Variants in ARNT2 observed in about 807,000 individuals in gnomAD.
ARNT2 encodes the protein ARNT protein 2.
Under a neutral mutation model 91.7 loss-of-function variants are expected in ARNT2, and 36 were observed. The ratio of observed to expected loss-of-function variants is 0.39; its 90% confidence interval spans 0.30 to 0.52. ARNT2 has a LOEUF of 0.52. ARNT2 is among the 20% of genes least tolerant of loss of function. The probability of loss-of-function intolerance (pLI) is 0.72; values close to 1 mark genes in which losing one functional copy is unlikely to be tolerated. For missense variants in ARNT2, 775 were observed against 939.3 expected (o/e 0.83, Z 2.29); for synonymous variants, 365 against 347.1 (o/e 1.05, Z -0.57).
rs554688421 is a variant in ARNT2, at chr15:80,405,535, C to G, written c.31+989C>G. Among the ~76,000 whole-genome samples the G allele has an allele frequency of 2.6e-5, 4 of 152,240 alleles. No individual in the cohort carries two copies. In the East Asian group the frequency reaches 7.7e-4, roughly 29 times the overall value. The stretch of plus-strand genomic sequence containing the variant: ...CAATGCCTAGCAAAGAAAAGTGTCT[C>G]TCATCATAGAATTAGGAATGAAAGA... On this transcript the variant is annotated intron_variant, in intron 1 of 18. Coordinates refer to ENST00000303329, the MANE Select transcript of ARNT2 (RefSeq NM_014862.4).
At chr15:80,535,609 C>G (rs1214968593) in intron 8 of ARNT2, among the ~76,000 whole-genome samples, 3 of 152,186 alleles carry the variant, frequency 2.0e-5, no homozygotes, top group Admixed American at 2.0e-4. Context: ...TGATTTTCTC[C>G]TATGAGGTCT....
At chr15:80,473,493 C>T (rs1301294336) in intron 4 of ARNT2, among the ~76,000 whole-genome samples, 1 of 152,162 alleles carries the variant, frequency 6.6e-6, no homozygotes, top group Non-Finnish European at 1.5e-5. Context: ...CACCCTCTTC[C>T]GTTTTTAATT....
At chr15:80,523,929 G>A (rs1474036200) in intron 8 of ARNT2, among the ~76,000 whole-genome samples, 1 of 152,210 alleles carries the variant, frequency 6.6e-6, no homozygotes, top group East Asian at 1.9e-4. Flanking sequence ...GAAGGAGCCA[G>A]GGGTGTTTAT....
intron 6 of ARNT2, among the ~76,000 whole-genome samples, chr15:80,509,458 A>AAAT (rs142269366): frequency 0.012 from 1,820 of 151,496 alleles, 28 homozygotes; most frequent in East Asian, 0.058. Context: ...AAAGAGACTA[A>AAAT]AATAATAATA....
intron 5 of ARNT2, among the ~76,000 whole-genome samples, chr15:80,491,770 C>T (rs1164229486): frequency 1.4e-5 from 2 of 141,470 alleles, no homozygotes; most frequent in Non-Finnish European, 3.0e-5. Context: ...TTCACAAATA[C>T]ATCTCATTTA....
Position 80,574,073 on chromosome 15 carries a change from G to A in ARNT2, c.1317-75G>A, listed in dbSNP as rs187870570. The stretch of plus-strand genomic sequence containing the variant: ...ATCACCCACTCTGCCTCTGAGGTAT[G>A]GGAAAAGTCCTGGCTTAGCCCTATT... On this transcript the variant is annotated intron_variant, in intron 12 of 18. Coordinates refer to ENST00000303329, the MANE Select transcript of ARNT2 (RefSeq NM_014862.4). 1.3e-5 allele frequency: 16 copies of A among 1,277,326 alleles called. No homozygotes were observed. The East Asian group carries it at 3.5e-4, about 28-fold the overall frequency. The allele number at this position is 1,277,326 out of a possible 1,614,324, so 79.1% of individuals were successfully genotyped here.
chr15:80,518,027 G>GT (rs938864885), intron 8 of ARNT2, among the ~76,000 whole-genome samples: 4 of 151,766 alleles, frequency 2.6e-5, no homozygotes, highest in Non-Finnish European at 4.4e-5. Flanking sequence ...TTCAAACTAT[G>GT]TTTTTTTTCT....
chr15:80,413,577 C>A (rs928206267), intron 1 of ARNT2, among the ~76,000 whole-genome samples: 3 of 152,220 alleles, frequency 2.0e-5, no homozygotes, highest in Non-Finnish European at 2.9e-5. Context: ...CCCTACTTTT[C>A]TTCCAACAAC....
At chr15:80,435,809 A>G (rs1896077000) in intron 1 of ARNT2, among the ~76,000 whole-genome samples, 2 of 152,152 alleles carry the variant, frequency 1.3e-5, no homozygotes, top group South Asian at 2.1e-4. Flanking sequence ...AAATTTATCC[A>G]TTCATTGATT....
chr15:80,474,271 A>G (rs1311829575), intron 4 of ARNT2, among the ~76,000 whole-genome samples: 1 of 152,140 alleles, frequency 6.6e-6, no homozygotes, highest in African/African-American at 2.4e-5. Context: ...CTTCAATGAC[A>G]GTCATGACCC....
intron 8 of ARNT2, among the ~76,000 whole-genome samples, chr15:80,519,198 A>G (rs1294542265): frequency 1.3e-5 from 2 of 152,228 alleles, no homozygotes; most frequent in Non-Finnish European, 2.9e-5. Flanking sequence ...CAATCATTTT[A>G]GGAGATTTAT....
intron 4 of ARNT2, among the ~76,000 whole-genome samples, chr15:80,474,508 C>A (rs1379027293): frequency 1.3e-5 from 2 of 152,334 alleles, no homozygotes; most frequent in African/African-American, 4.8e-5. Flanking sequence ...AGAAAAGGAA[C>A]AAGAGGGTAC....
At chr15:80,406,797 G>A (rs533752212) in intron 1 of ARNT2, among the ~76,000 whole-genome samples, 6 of 152,288 alleles carry the variant, frequency 3.9e-5, no homozygotes, top group African/African-American at 1.4e-4. Context: ...AATTTCTCAA[G>A]GGAAAATTCC....
intron 1 of ARNT2, among the ~76,000 whole-genome samples, chr15:80,437,683 A>G (rs915055406): frequency 5.3e-5 from 8 of 152,134 alleles, no homozygotes; most frequent in African/African-American, 1.9e-4. Context: ...CCATTTCACA[A>G]CTGCCGGCTT....
intron 8 of ARNT2, among the ~76,000 whole-genome samples, chr15:80,535,932 C>A (rs1386029824): frequency 2.0e-5 from 3 of 152,000 alleles, no homozygotes; most frequent in Admixed American, 1.3e-4. Flanking sequence ...ATTTTTATGT[C>A]TTTTTATGTA....
At chr15:80,439,793 G>A (rs1037474620) in intron 1 of ARNT2, among the ~76,000 whole-genome samples, 1 of 152,156 alleles carries the variant, frequency 6.6e-6, no homozygotes, top group Non-Finnish European at 1.5e-5. Context: ...CTTTTATACA[G>A]GAAGGTCCCT....
In ARNT2 at chr15:80,584,193, A is replaced by G. The variant is rs1362733907; in HGVS notation, c.1918+2789A>G. ...CGAGGGGTTGCTGTCATCGTCTGTG[A>G]TGAGTACACTGCTGGAGGAAGGCTC... On this transcript the variant is annotated intron_variant, in intron 17 of 18. Transcript: ENST00000303329. Among the ~76,000 whole-genome samples the G allele has an allele frequency of 2.6e-5, 4 of 152,116 alleles. No individual in the cohort carries two copies. In the East Asian group the frequency reaches 7.7e-4, roughly 29 times the overall value.
chr15:80,581,207 C>T, intron 16 of ARNT2, 32 bp from the exon 17 acceptor site: 1 of 1,610,506 alleles, frequency 6.2e-7, no homozygotes, highest in Non-Finnish European at 8.5e-7. Context: ...GCTGGTGATG[C>T]TTTCCATCTC....
At position 80,510,558 on chromosome 15, in the gene ARNT2, A is replaced by T. The variant is rs991600735; in HGVS notation, c.725+2300A>T. Among the ~76,000 whole-genome samples, 3 of 152,164 alleles carry T rather than the reference A, an allele frequency of 2.0e-5. No homozygotes were observed. In the South Asian group the frequency reaches 6.2e-4, roughly 32 times the overall value. On this transcript the variant is annotated intron_variant, in intron 6 of 18. Coordinates refer to ENST00000303329, the MANE Select transcript of ARNT2 (RefSeq NM_014862.4). ...TTAAAAAGTCAAAAAGGGCCGGGTGAGGTGGCTCATGCCTGTAATCCCAGC... is the reference window on the plus strand; with the variant it reads ...TTAAAAAGTCAAAAAGGGCCGGGTGTGGTGGCTCATGCCTGTAATCCCAGC...
Sources: gnomAD v4.1 joint callset for allele counts (sites outside exome capture counted in the v4.1 genomes callset) on GRCh38, gnomAD v4.1.1 for gene constraint, MANE v1.5 for transcripts, NCBI Gene and HGNC (gene_info 2026-07-23, HGNC 2026-07-21) for gene names.